CNTN5: variants seen among roughly 807,000 people sequenced by gnomAD.
CNTN5 encodes the protein contactin-5.
In CNTN5, 77 loss-of-function variants were observed where a neutral mutation model predicts 129.1. That is an observed-to-expected ratio of 0.60 (90% CI 0.50 to 0.72). The LOEUF is 0.72. Among genes scored for constraint, CNTN5 ranks in the 30% least tolerant of loss-of-function variants. CNTN5 has a pLI of 0.00. For synonymous variants in CNTN5, 509 were observed against 465.6 expected (o/e 1.09, Z -1.20); for missense variants, 1,478 against 1,328.8 (o/e 1.11, Z -1.75).
chr11:99,963,123 A>ATGGTAGT (rs1200511398), intron 8 of CNTN5, among the ~76,000 whole-genome samples: 1 of 152,118 alleles, frequency 6.6e-6, no homozygotes, highest in Non-Finnish European at 1.5e-5. Flanking sequence ...GTTCAATCTG[A>ATGGTAGT]TGGTAGTTTC....
At chr11:99,480,858 T>C (rs1945569775) in intron 2 of CNTN5, among the ~76,000 whole-genome samples, 1 of 152,166 alleles carries the variant, frequency 6.6e-6, no homozygotes, top group African/African-American at 2.4e-5. Flanking sequence ...GGGCATCTTT[T>C]ACCCTACTAA....
At position 100,239,417 on chromosome 11, in the gene CNTN5, A is replaced by T. The variant is rs1423346508; in HGVS notation, c.2005+14605A>T. ...AATCATCACTATATGCCTATGTAAT[A>T]GTCATCAGGTTTATATCACATAAAA... On this transcript the variant is annotated intron_variant, in intron 16 of 24. Transcript: ENST00000524871. Among the ~76,000 whole-genome samples the T allele has an allele frequency of 2.6e-5, 4 of 152,200 alleles. No homozygotes were observed. The East Asian group carries it at 7.7e-4, about 29-fold the overall frequency.
In CNTN5 at chr11:99,118,021, G is replaced by A. The variant is rs116817417; in HGVS notation, c.-210+96751G>A. ...GTAATTTCCAATGAGGTACTATTCTGCATACTGCTATTATGAATAACTTTG... is the reference window on the plus strand; with the variant it reads ...GTAATTTCCAATGAGGTACTATTCTACATACTGCTATTATGAATAACTTTG... On this transcript the variant is annotated intron_variant, in intron 1 of 24. Transcript: ENST00000524871. Among the ~76,000 whole-genome samples the A allele has an allele frequency of 3.9e-3, 599 of 152,184 alleles. 2 individuals carry two copies. The highest frequency in any genetic ancestry group is 0.014 in the African/African-American group (579 of 41,514).
At chr11:99,037,285 C>T (rs1023491348) in intron 1 of CNTN5, among the ~76,000 whole-genome samples, 2 of 152,184 alleles carry the variant, frequency 1.3e-5, no homozygotes, top group African/African-American at 4.8e-5. Flanking sequence ...ATGGGATAAT[C>T]TTTCAGAGAC....
In CNTN5 at chr11:99,404,667, G is replaced by A. The variant is rs572858765; in HGVS notation, c.-71+79183G>A. On this transcript the variant is annotated intron_variant, in intron 2 of 24. Coordinates refer to ENST00000524871, the MANE Select transcript of CNTN5 (RefSeq NM_014361.4). The stretch of plus-strand genomic sequence containing the variant: ...GACTGTATGCCTTAACTTCATCCTT[G>A]TGCTTTTTAACTTTTTGTTACTATT... Among the ~76,000 whole-genome samples, 5 of 152,004 alleles carry A rather than the reference G, an allele frequency of 3.3e-5. No individual in the cohort carries two copies. The East Asian group carries it at 7.7e-4, about 23-fold the overall frequency.
chr11:99,654,088 C>T (rs1400509324), intron 3 of CNTN5, among the ~76,000 whole-genome samples: 2 of 151,964 alleles, frequency 1.3e-5, no homozygotes, highest in Non-Finnish European at 2.9e-5. Context: ...AGAATGCAAA[C>T]AAGCAGTGAA....
chr11:99,693,308 A>T (rs533652636), intron 3 of CNTN5, among the ~76,000 whole-genome samples: 2,334 of 152,216 alleles, frequency 0.015, 55 homozygotes, highest in African/African-American at 0.052. Flanking sequence ...AATTATAGCT[A>T]AATTATTCCA....
chr11:99,490,234 A>G (rs1945982541), intron 2 of CNTN5, among the ~76,000 whole-genome samples: 1 of 152,192 alleles, frequency 6.6e-6, no homozygotes, highest in Non-Finnish European at 1.5e-5. Flanking sequence ...TTATTCAGAC[A>G]ATTATTCACC....
intron 13 of CNTN5, among the ~76,000 whole-genome samples, chr11:100,164,224 A>T (rs1024156883): frequency 2.0e-5 from 3 of 151,826 alleles, no homozygotes; most frequent in Non-Finnish European, 4.4e-5. Context: ...AGGCAAAAAA[A>T]TCTACTTCTG....
intron 2 of CNTN5, among the ~76,000 whole-genome samples, chr11:99,333,499 T>A (rs1191443764): frequency 1.3e-5 from 2 of 152,084 alleles, no homozygotes; most frequent in Non-Finnish European, 2.9e-5. Flanking sequence ...TATTTCCTAC[T>A]ATCGCTATGC....
intron 3 of CNTN5, among the ~76,000 whole-genome samples, chr11:99,562,699 T>A (rs1249438892): frequency 6.6e-6 from 1 of 152,106 alleles, no homozygotes; most frequent in East Asian, 1.9e-4. Flanking sequence ...GGCATTAAAA[T>A]ATATAGGACT....
At chr11:99,935,322 A>G (rs1326041685) in intron 7 of CNTN5, among the ~76,000 whole-genome samples, 1 of 152,002 alleles carries the variant, frequency 6.6e-6, no homozygotes, top group Non-Finnish European at 1.5e-5. Flanking sequence ...TAAATAGAAG[A>G]TAAGTTAGTT....
rs528443443 is a variant in CNTN5 at position 100,142,421 on chromosome 11, T to C, written c.1581-48705T>C. Among the ~76,000 whole-genome samples, 4 of 152,294 alleles carry C rather than the reference T, an allele frequency of 2.6e-5. No individual in the cohort carries two copies. The East Asian group carries it at 7.7e-4, about 29-fold the overall frequency. ...GAACTCTGACTAATACATATGTAGATTGAGCATCCCTAATCTGAAAATCCA... is the reference window on the plus strand; with the variant it reads ...GAACTCTGACTAATACATATGTAGACTGAGCATCCCTAATCTGAAAATCCA... On this transcript the variant is annotated intron_variant, in intron 13 of 24. Transcript: ENST00000524871.
intron 2 of CNTN5, among the ~76,000 whole-genome samples, chr11:99,435,228 A>G (rs778306011): frequency 5.3e-5 from 8 of 152,192 alleles, no homozygotes; most frequent in South Asian, 4.1e-4. Context: ...ATCTTTTTGT[A>G]GATGAGAAGT....
chr11:99,555,110 T>C (rs2096297941), intron 2 of CNTN5, among the ~76,000 whole-genome samples: 1 of 152,050 alleles, frequency 6.6e-6, no homozygotes, highest in African/African-American at 2.4e-5. Context: ...AACAATAAAT[T>C]CCTTTCTTTG....
chr11:99,077,452 T>C (rs1865623996), intron 1 of CNTN5, among the ~76,000 whole-genome samples: 2 of 152,208 alleles, frequency 1.3e-5, no homozygotes, highest in Non-Finnish European at 2.9e-5. Context: ...GGATACAGTT[T>C]GTATATTATT....
chr11:99,628,238 G>A (rs1350463226), intron 3 of CNTN5, among the ~76,000 whole-genome samples: 1 of 151,538 alleles, frequency 6.6e-6, no homozygotes, highest in East Asian at 1.9e-4. Context: ...GTATTTTTAG[G>A]GTAAACATTT....
At position 99,608,073 on chromosome 11, in the gene CNTN5, A is replaced by G. The variant is rs180974464; in HGVS notation, c.55+51804A>G. 3.7e-4 allele frequency among the ~76,000 whole-genome samples: 47 copies of G among 126,292 alleles called. No homozygotes were observed. In the East Asian group the frequency reaches 9.5e-3, roughly 25 times the overall value. 82.9% of individuals were successfully genotyped at this position (126,292 alleles called of 152,430 possible). On this transcript the variant is annotated intron_variant, in intron 3 of 24. Transcript: ENST00000524871. ...TATGTAACTAACCTGCACAATGTGCACATGTACCCTAAAACTTAGAGTATA... is the reference window on the plus strand; with the variant it reads ...TATGTAACTAACCTGCACAATGTGCGCATGTACCCTAAAACTTAGAGTATA...
chr11:100,225,934 A>G (rs1176722554), intron 16 of CNTN5, among the ~76,000 whole-genome samples: 2 of 152,100 alleles, frequency 1.3e-5, no homozygotes, highest in South Asian at 2.1e-4. Context: ...CCGAATGTAT[A>G]TGGGTTTTGG....
Sources: allele counts gnomAD v4.1 joint callset (sites outside exome capture counted in the v4.1 genomes callset), GRCh38; gene constraint gnomAD v4.1.1; transcripts MANE v1.5; gene names NCBI Gene and HGNC (gene_info 2026-07-23, HGNC 2026-07-21).